ADAMTSL3: variants seen among roughly 807,000 people sequenced by gnomAD.
ADAMTSL3 encodes ADAMTS like 3, also known as ADAMTS-like protein 3.
ADAMTSL3 carries 128 observed loss-of-function variants against 201.7 expected under a neutral mutation model. The observed-to-expected ratio is 0.63, with a 90% confidence interval of 0.55 to 0.73. The LOEUF is 0.73. ADAMTSL3 is among the 30% of genes least tolerant of loss of function. ADAMTSL3 has a pLI of 0.00. For missense variants in ADAMTSL3, 1,990 were observed against 2,119.6 expected (o/e 0.94, Z 1.20); for synonymous variants, 738 against 748.4 (o/e 0.99, Z 0.23).
At chr15:83,851,798 T>C (rs1284142659) in intron 7 of ADAMTSL3, among the ~76,000 whole-genome samples, 1 of 152,208 alleles carries the variant, frequency 6.6e-6, no homozygotes, top group South Asian at 2.1e-4. Flanking sequence ...GTAAAATTAA[T>C]ACATACTTTT....
At chr15:83,802,702 G>T (rs1218495722) in intron 4 of ADAMTSL3, among the ~76,000 whole-genome samples, 1 of 152,188 alleles carries the variant, frequency 6.6e-6, no homozygotes. Flanking sequence ...GGGGGAAGAG[G>T]TTGACTATAC....
At chr15:83,821,260 T>A (rs979898307) in intron 6 of ADAMTSL3, among the ~76,000 whole-genome samples, 4 of 152,042 alleles carry the variant, frequency 2.6e-5, no homozygotes, top group Admixed American at 6.5e-5. Flanking sequence ...TTTTTTTTTT[T>A]AATTGATCAT....
intron 20 of ADAMTSL3, among the ~76,000 whole-genome samples, chr15:83,981,014 C>A (rs536597449): frequency 8.5e-5 from 13 of 152,314 alleles, no homozygotes; most frequent in African/African-American, 3.1e-4. Flanking sequence ...AAATTAGGTC[C>A]CCATTGCATG....
At chr15:83,962,948 G>A (rs1047906807) in intron 19 of ADAMTSL3, among the ~76,000 whole-genome samples, 13 of 152,198 alleles carry the variant, frequency 8.5e-5, no homozygotes, top group African/African-American at 1.9e-4. Flanking sequence ...AAGGGAAGCC[G>A]TGAGGGACTG....
At chr15:83,996,826 G>A (rs965492915) in intron 23 of ADAMTSL3, among the ~76,000 whole-genome samples, 5 of 145,420 alleles carry the variant, frequency 3.4e-5, no homozygotes, top group African/African-American at 5.1e-5. Context: ...GATATGAACA[G>A]GCAATTGTCA....
chr15:83,804,498 T>C, intron 4 of ADAMTSL3, 152 bp from the exon 5 acceptor site: 1 of 588,602 alleles, frequency 1.7e-6, no homozygotes, highest in Non-Finnish European at 3.0e-6. Flanking sequence ...AATTAGTTTC[T>C]TAGAATTAAA....
At chr15:83,774,200 C>A (rs1352477718) in intron 4 of ADAMTSL3, among the ~76,000 whole-genome samples, 1 of 152,138 alleles carries the variant, frequency 6.6e-6, no homozygotes, top group African/African-American at 2.4e-5. Flanking sequence ...GTTTAATTCC[C>A]AGTCAAGGAT....
intron 2 of ADAMTSL3, among the ~76,000 whole-genome samples, chr15:83,674,766 C>CATATACATATATATATATAT (rs2061376830): frequency 1.5e-5 from 1 of 68,952 alleles, no homozygotes; most frequent in Non-Finnish European, 2.8e-5. Context: ...CACATATATA[C>CATATACATATATATATATAT]ATATATATAT....
At chr15:83,750,867 T>C (rs879732542) in intron 3 of ADAMTSL3, among the ~76,000 whole-genome samples, 2 of 152,224 alleles carry the variant, frequency 1.3e-5, no homozygotes, top group Non-Finnish European at 2.9e-5. Context: ...ACATTTTAAT[T>C]CGTTGATTCA....
intron 15 of ADAMTSL3, among the ~76,000 whole-genome samples, chr15:83,905,117 G>T (rs563237210): frequency 1.3e-5 from 2 of 152,188 alleles, no homozygotes; most frequent in Non-Finnish European, 2.9e-5. Flanking sequence ...GAGATATTAA[G>T]TGGTGGACAG....
chr15:83,976,904 C>T (rs550985838), intron 20 of ADAMTSL3, among the ~76,000 whole-genome samples: 30 of 152,090 alleles, frequency 2.0e-4, no homozygotes, highest in Middle Eastern at 3.4e-3. Context: ...CAGAAGTTGA[C>T]GCCATTAACT....
At chr15:83,828,304 C>T (rs938121764) in intron 6 of ADAMTSL3, among the ~76,000 whole-genome samples, 2 of 152,166 alleles carry the variant, frequency 1.3e-5, no homozygotes, top group Non-Finnish European at 2.9e-5. Context: ...AATGGGAGTT[C>T]ACTCATGATT....
At chr15:83,708,817 T>C (rs908579257) in intron 3 of ADAMTSL3, among the ~76,000 whole-genome samples, 1 of 152,200 alleles carries the variant, frequency 6.6e-6, no homozygotes, top group Admixed American at 6.5e-5. Flanking sequence ...AACTATTACT[T>C]AGAGAATTAT....
chr15:83,924,071 C>T (rs758913332), intron 17 of ADAMTSL3, 38 bp downstream of exon 17: 14 of 1,608,658 alleles, frequency 8.7e-6, no homozygotes, highest in South Asian at 3.3e-5. Context: ...ATACCGTGTC[C>T]GGGTGGTAAC....
chr15:83,665,826 G>A (rs150461701), intron 2 of ADAMTSL3, among the ~76,000 whole-genome samples: 3 of 152,228 alleles, frequency 2.0e-5, no homozygotes, highest in East Asian at 1.9e-4. Flanking sequence ...TGCTTTTATT[G>A]TCCAAGCCTT....
intron 3 of ADAMTSL3, among the ~76,000 whole-genome samples, chr15:83,742,074 A>G (rs2141640244): frequency 6.6e-6 from 1 of 152,302 alleles, no homozygotes; most frequent in East Asian, 1.9e-4. Flanking sequence ...TTCGAAAAAA[A>G]TTACTATATA....
At chr15:83,831,117 A>G (rs1047323018) in intron 6 of ADAMTSL3, among the ~76,000 whole-genome samples, 7 of 152,174 alleles carry the variant, frequency 4.6e-5, no homozygotes, top group Non-Finnish European at 8.8e-5. Flanking sequence ...CATCACTCTA[A>G]TCTCTGCCTT....
intron 3 of ADAMTSL3, among the ~76,000 whole-genome samples, chr15:83,764,207 A>G (rs891013901): frequency 6.6e-6 from 1 of 152,096 alleles, no homozygotes; most frequent in Non-Finnish European, 1.5e-5. Flanking sequence ...GTGGCCTTCT[A>G]GCTATGCTCT....
intron 23 of ADAMTSL3, among the ~76,000 whole-genome samples, chr15:84,013,604 T>G (rs1354638035): frequency 6.6e-6 from 1 of 151,998 alleles, no homozygotes; most frequent in Non-Finnish European, 1.5e-5. Flanking sequence ...TGAAACCCTG[T>G]CTTTACAAAA....
Sources: gnomAD v4.1 joint callset for allele counts (sites outside exome capture counted in the v4.1 genomes callset) on GRCh38, gnomAD v4.1.1 for gene constraint, MANE v1.5 for transcripts, NCBI Gene and HGNC (gene_info 2026-07-23, HGNC 2026-07-21) for gene names.